TEX36: variants seen among roughly 807,000 people sequenced by gnomAD.
TEX36 encodes the protein testis-expressed protein 36.
In TEX36, 12 loss-of-function variants were observed where a neutral mutation model predicts 13.6. The ratio of observed to expected loss-of-function variants is 0.88; its 90% CI spans 0.56 to 1.43. The LOEUF (loss-of-function observed/expected upper bound fraction) is 1.43. Among genes scored for constraint, TEX36 ranks in the 40% most tolerant of loss-of-function variants. TEX36 has a pLI of 0.00. For missense variants in TEX36, 224 were observed against 228.3 expected (o/e 0.98, Z 0.12); for synonymous variants, 93 against 83.0 (o/e 1.12, Z -0.65).
chr10:125,589,551 A>G (rs1845998441), intron 3 of TEX36, among the ~76,000 whole-genome samples: 3 of 152,188 alleles, frequency 2.0e-5, no homozygotes, highest in Non-Finnish European at 4.4e-5. Context: ...AGATACCATT[A>G]GTGTTTTGTA....
At chr10:125,576,671 C>T in exon 4 of TEX36, 4 of 1,501,978 alleles carry the variant, frequency 2.7e-6, no homozygotes, top group Non-Finnish European at 3.6e-6. Flanking sequence ...GACAAAAGGT[C>T]CTTTTCTTCC....
chr10:125,670,462 A>G (rs550952960), intron 1 of TEX36, among the ~76,000 whole-genome samples: 1 of 151,998 alleles, frequency 6.6e-6, no homozygotes, highest in Non-Finnish European at 1.5e-5. Context: ...AAATTTGTTT[A>G]AGTTCCTTGC....
At chr10:125,623,745 T>A (rs1846453805) in intron 3 of TEX36, among the ~76,000 whole-genome samples, 1 of 152,316 alleles carries the variant, frequency 6.6e-6, no homozygotes. Flanking sequence ...CTCTTCGAAG[T>A]CTCACTGTGA....
chr10:125,667,401 C>T (rs1847140999), intron 1 of TEX36: 1 of 662,028 alleles, frequency 1.5e-6, no homozygotes, highest in Admixed American at 1.8e-5. Context: ...GCAATGGGCA[C>T]AATGCCACTC....
intron 1 of TEX36, chr10:125,667,477 G>A (rs1194458199): frequency 8.3e-6 from 6 of 721,100 alleles, no homozygotes; most frequent in Admixed American, 1.8e-5. Context: ...GGGCTGAGGG[G>A]GTGTGTTCCC....
intron 3 of TEX36, among the ~76,000 whole-genome samples, chr10:125,639,143 A>G (rs1012255744): frequency 3.9e-5 from 6 of 152,224 alleles, no homozygotes; most frequent in African/African-American, 7.2e-5. Context: ...TTGCTCTTAC[A>G]CATATATCCA....
intron 1 of TEX36, among the ~76,000 whole-genome samples, chr10:125,675,530 G>C (rs1326695095): frequency 6.6e-6 from 1 of 152,182 alleles, no homozygotes; most frequent in Non-Finnish European, 1.5e-5. Flanking sequence ...GGTGGTGTGG[G>C]CTCATGAGGG....
downstream of TEX36, among the ~76,000 whole-genome samples, chr10:125,617,831 C>T (rs1237132722): frequency 1.3e-5 from 2 of 149,548 alleles, no homozygotes; most frequent in East Asian, 2.0e-4. Context: ...TGAATGTTGG[C>T]CTGCCTTGCT....
chr10:125,673,710 C>CTA (rs1847268064), intron 1 of TEX36, among the ~76,000 whole-genome samples: 1 of 68,430 alleles, frequency 1.5e-5, no homozygotes, highest in Non-Finnish European at 2.9e-5. Flanking sequence ...GACTCTCTCT[C>CTA]AAAAAAAAAA....
chr10:125,623,596 A>T (rs922607904), intron 3 of TEX36, among the ~76,000 whole-genome samples: 1 of 150,148 alleles, frequency 6.7e-6, no homozygotes, highest in East Asian at 1.9e-4. Context: ...AAAAAAAAAA[A>T]GTCTCCTGTT....
intron 3 of TEX36, among the ~76,000 whole-genome samples, chr10:125,595,416 G>A (rs902049242): frequency 4.6e-5 from 7 of 152,130 alleles, no homozygotes; most frequent in African/African-American, 1.4e-4. Flanking sequence ...AATCTTCACA[G>A]CATCCGCCTA....
intron 3 of TEX36, among the ~76,000 whole-genome samples, chr10:125,625,151 G>A (rs1318895412): frequency 6.6e-6 from 1 of 152,154 alleles, no homozygotes; most frequent in Non-Finnish European, 1.5e-5. Context: ...CTTTTCTCAG[G>A]ACACGCAGAC....
At chr10:125,636,385 TATATA>T (rs1846624439) in intron 3 of TEX36, among the ~76,000 whole-genome samples, 2 of 150,188 alleles carry the variant, frequency 1.3e-5, no homozygotes, top group African/African-American at 4.9e-5. Flanking sequence ...TTTTTTTTTT[TATATA>T]TTTTTAGTAG....
intron 3 of TEX36, among the ~76,000 whole-genome samples, chr10:125,588,606 T>C (rs944752328): frequency 6.6e-6 from 1 of 151,522 alleles, no homozygotes; most frequent in Non-Finnish European, 1.5e-5. Context: ...TGTTTGTTTG[T>C]TTGTTTGTTT....
At chr10:125,653,425 G>A (rs1256317555), downstream of TEX36, among the ~76,000 whole-genome samples, 2 of 145,866 alleles carry the variant, frequency 1.4e-5, no homozygotes, top group Non-Finnish European at 3.0e-5. Context: ...CTCACAGGTG[G>A]GAATTGAACA....
chr10:125,675,355 A>G (rs1345671222), intron 1 of TEX36, among the ~76,000 whole-genome samples: 1 of 151,710 alleles, frequency 6.6e-6, no homozygotes, highest in African/African-American at 2.4e-5. Flanking sequence ...AGGCAGCCAC[A>G]GTGATGACAG....
intron 1 of TEX36, among the ~76,000 whole-genome samples, chr10:125,675,631 G>A (rs1375953671): frequency 1.3e-5 from 2 of 152,118 alleles, no homozygotes; most frequent in African/African-American, 2.4e-5. Context: ...CTTCTTGGCT[G>A]GGGGTGGGAA....
chr10:125,580,946 G>A (rs1437774401), intron 3 of TEX36, among the ~76,000 whole-genome samples: 1 of 152,166 alleles, frequency 6.6e-6, no homozygotes, highest in East Asian at 1.9e-4. Flanking sequence ...CTGAGATGGA[G>A]CAACCTGAAG....
chr10:125,670,772 A>G (rs1218018501), intron 1 of TEX36, among the ~76,000 whole-genome samples: 2 of 152,126 alleles, frequency 1.3e-5, no homozygotes, highest in East Asian at 1.9e-4. Context: ...TTGTTGCATA[A>G]GGAAGGGGTC....
Sources: gnomAD v4.1 joint callset for allele counts (sites outside exome capture counted in the v4.1 genomes callset) on GRCh38, gnomAD v4.1.1 for gene constraint, MANE v1.5 for transcripts, NCBI Gene and HGNC (gene_info 2026-07-23, HGNC 2026-07-21) for gene names.